SCLT1: variants seen among roughly 807,000 people sequenced by gnomAD.
The protein encoded by SCLT1 is sodium channel and clathrin linker 1, also known as sodium channel-associated protein 1.
SCLT1 carries 78 observed loss-of-function variants against 112.8 expected under a neutral mutation model. That is an observed-to-expected ratio of 0.69 (90% CI 0.58 to 0.83). SCLT1 has a LOEUF of 0.83. Ranked by LOEUF, SCLT1 falls within the 40% of genes least tolerant of loss-of-function variation. SCLT1 has a pLI of 0.00. For synonymous variants in SCLT1, 257 were observed against 254.7 expected, an observed-to-expected ratio of 1.01 and a Z score of -0.09; for missense variants, 747 against 770.4, an observed-to-expected ratio of 0.97 and a Z score of 0.36.
chr4:128,965,202 A>T, intron 11 of SCLT1, 25 bp downstream of exon 11: 1 of 1,175,722 alleles, frequency 8.5e-7, no homozygotes. Flanking sequence ...CATATCAACA[A>T]AGCTAGGTGC....
At chr4:128,944,568 A>G (rs992041029) in intron 16 of SCLT1, 3 of 152,158 alleles carry the variant, frequency 2.0e-5, no homozygotes, top group African/African-American at 7.2e-5. Flanking sequence ...AAATACAGAA[A>G]AGGGGATTCC....
chr4:128,965,352 G>A (rs761675451), intron 10 of SCLT1, 34 bp from the exon 11 acceptor site: 13 of 1,386,988 alleles, frequency 9.4e-6, no homozygotes, highest in African/African-American at 1.4e-5. Flanking sequence ...CTTACTTTGA[G>A]TATGTGAAAA....
chr4:129,030,721 C>T (rs1450091811), intron 5 of SCLT1, among the ~76,000 whole-genome samples: 1 of 151,930 alleles, frequency 6.6e-6, no homozygotes, highest in Non-Finnish European at 1.5e-5. Flanking sequence ...GAAGTGGATA[C>T]ATTCCTGAAC....
chr4:129,065,820 C>T (rs1579909820), intron 2 of SCLT1, among the ~76,000 whole-genome samples: 1 of 152,018 alleles, frequency 6.6e-6, no homozygotes, highest in Admixed American at 6.6e-5. Context: ...TCTAAATTAG[C>T]AATTTCACAA....
intron 6 of SCLT1, 40 bp from the exon 7 acceptor site, chr4:128,999,834 G>A (rs373428547): frequency 1.2e-4 from 180 of 1,487,012 alleles, no homozygotes; most frequent in Non-Finnish European, 1.6e-4. Context: ...TTATCAGCAG[G>A]CTATTTATTG....
intron 2 of SCLT1, among the ~76,000 whole-genome samples, chr4:129,055,355 G>A (rs975342102): frequency 3.3e-5 from 5 of 152,304 alleles, no homozygotes; most frequent in East Asian, 1.9e-4. Context: ...AGGCAAGATC[G>A]TTTAATTCCA....
chr4:129,025,199 C>G (rs1745927758), intron 5 of SCLT1, among the ~76,000 whole-genome samples: 1 of 152,080 alleles, frequency 6.6e-6, no homozygotes, highest in African/African-American at 2.4e-5. Flanking sequence ...ATACAGAGAA[C>G]ACCATAAAGA....
At chr4:129,067,986 C>G (rs1231830451) in intron 2 of SCLT1, among the ~76,000 whole-genome samples, 1 of 152,060 alleles carries the variant, frequency 6.6e-6, no homozygotes, top group East Asian at 1.9e-4. Context: ...CATCCCTCAC[C>G]TCCTTGCCAC....
chr4:129,089,683 A>G (rs560082010), intron 1 of SCLT1, among the ~76,000 whole-genome samples: 1 of 152,356 alleles, frequency 6.6e-6, no homozygotes, highest in East Asian at 1.9e-4. Flanking sequence ...TTATGCAGCC[A>G]TAGAAAAATA....
At chr4:128,936,873 T>C (rs1737233159) in intron 17 of SCLT1, 22 bp from the exon 18 acceptor site, 2 of 1,290,244 alleles carry the variant, frequency 1.6e-6, no homozygotes, top group Non-Finnish European at 2.1e-6. Flanking sequence ...AATGAAAACG[T>C]ATTTTCTTTT....
At chr4:129,003,703 A>C in intron 6 of SCLT1, 38 bp downstream of exon 6, 1 of 1,476,264 alleles carries the variant, frequency 6.8e-7, no homozygotes. Flanking sequence ...AAGGTATGTT[A>C]ATTCAGAATA....
chr4:129,087,279 A>T (rs762954199), intron 1 of SCLT1, among the ~76,000 whole-genome samples: 2 of 152,198 alleles, frequency 1.3e-5, no homozygotes, highest in Admixed American at 1.3e-4. Context: ...TTATTAAAGA[A>T]ATTAAGTTTG....
intron 16 of SCLT1, among the ~76,000 whole-genome samples, chr4:128,943,893 T>C (rs1407309340): frequency 6.6e-6 from 1 of 152,154 alleles, no homozygotes; most frequent in Non-Finnish European, 1.5e-5. Context: ...GGGAATTGTA[T>C]GGAAATGCTA....
intron 2 of SCLT1, among the ~76,000 whole-genome samples, chr4:129,059,168 T>C (rs960356628): frequency 5.9e-5 from 9 of 152,184 alleles, no homozygotes; most frequent in Admixed American, 1.3e-4. Context: ...TCCATATGTA[T>C]GTTTACAGGT....
chr4:128,926,933 T>C (rs1736345515), intron 18 of SCLT1, among the ~76,000 whole-genome samples: 1 of 151,810 alleles, frequency 6.6e-6, no homozygotes, highest in Non-Finnish European at 1.5e-5. Context: ...GTAGGGTAGT[T>C]ACCAAAAGAA....
intron 2 of SCLT1, among the ~76,000 whole-genome samples, chr4:129,052,539 T>G (rs1349254770): frequency 6.6e-6 from 1 of 152,056 alleles, no homozygotes; most frequent in Non-Finnish European, 1.5e-5. Context: ...TATTCTCTCA[T>G]GGTAGTTTTT....
At chr4:129,001,182 C>T (rs973224360) in intron 6 of SCLT1, among the ~76,000 whole-genome samples, 4 of 152,032 alleles carry the variant, frequency 2.6e-5, no homozygotes, top group South Asian at 2.1e-4. Context: ...ACCTGTCTGA[C>T]GACAAAAATC....
intron 2 of SCLT1, among the ~76,000 whole-genome samples, chr4:129,060,833 T>A (rs1247386204): frequency 6.6e-6 from 1 of 151,898 alleles, no homozygotes; most frequent in Non-Finnish European, 1.5e-5. Flanking sequence ...GGCTGTGGGG[T>A]GAGATCTTAG....
chr4:129,014,803 A>T (rs1744846880), intron 5 of SCLT1, among the ~76,000 whole-genome samples: 1 of 152,226 alleles, frequency 6.6e-6, no homozygotes, highest in Non-Finnish European at 1.5e-5. Context: ...CAGCAATAGC[A>T]GTAGCAGCAG....
Sources: gnomAD v4.1 joint callset for allele counts (sites outside exome capture counted in the v4.1 genomes callset) on GRCh38, gnomAD v4.1.1 for gene constraint, MANE v1.5 for transcripts, NCBI Gene and HGNC (gene_info 2026-07-23, HGNC 2026-07-21) for gene names.